NYAP2: variants seen among roughly 807,000 people sequenced by gnomAD.
NYAP2 encodes neuronal tyrosine-phosphorylated phosphoinositide-3-kinase adapter 2.
A neutral mutation model predicts 50.4 loss-of-function variants in NYAP2; 23 were observed. That is an observed-to-expected ratio of 0.46 (90% confidence interval 0.33 to 0.65). NYAP2 has a LOEUF of 0.65. Ranked by LOEUF, NYAP2 falls within the 30% of genes least tolerant of loss-of-function variation. NYAP2 has a pLI of 0.02. For missense variants in NYAP2, 885 were observed against 861.0 expected, an observed-to-expected ratio of 1.03 and a Z score of -0.35; for synonymous variants, 394 against 365.2, an observed-to-expected ratio of 1.08 and a Z score of -0.90.
chr2:225,419,117 A>G (rs939883097), intron 3 of NYAP2, among the ~76,000 whole-genome samples: 2 of 152,176 alleles, frequency 1.3e-5, no homozygotes, highest in Non-Finnish European at 2.9e-5. Flanking sequence ...GCAGTCGGCG[A>G]TACTGATTCT....
At chr2:225,581,880 A>T in intron 4 of NYAP2, 61 bp from the exon 5 acceptor site, 1 of 1,490,064 alleles carries the variant, frequency 6.7e-7, no homozygotes, top group Non-Finnish European at 9.1e-7. Flanking sequence ...CCACATGCAA[A>T]TCATTTTTGA....
At chr2:225,643,433 A>T (rs2106267361) in intron 6 of NYAP2, among the ~76,000 whole-genome samples, 5 of 151,900 alleles carry the variant, frequency 3.3e-5, no homozygotes, top group African/African-American at 1.2e-4. Flanking sequence ...CTCCCTTATA[A>T]TCTTTTTTTT....
chr2:225,554,142 AGT>A (rs1691730762), intron 4 of NYAP2, among the ~76,000 whole-genome samples: 1 of 151,994 alleles, frequency 6.6e-6, no homozygotes, highest in Non-Finnish European at 1.5e-5. Flanking sequence ...TTCATTTTTC[AGT>A]GGCAATAACA....
chr2:225,564,917 G>A (rs895106598), intron 4 of NYAP2, among the ~76,000 whole-genome samples: 9 of 152,016 alleles, frequency 5.9e-5, no homozygotes, highest in Admixed American at 4.6e-4. Flanking sequence ...ATCACTTGAG[G>A]TCAGGAGTTC....
At chr2:225,635,485 A>G (rs1693397823) in intron 6 of NYAP2, among the ~76,000 whole-genome samples, 1 of 152,212 alleles carries the variant, frequency 6.6e-6, no homozygotes, top group Non-Finnish European at 1.5e-5. Flanking sequence ...GCTAGTAGAC[A>G]AACGTTTATT....
intron 4 of NYAP2, among the ~76,000 whole-genome samples, chr2:225,522,259 G>A (rs113207361): frequency 1.3e-5 from 2 of 151,952 alleles, no homozygotes; most frequent in South Asian, 4.2e-4. Flanking sequence ...CCTTCCATTT[G>A]TTATGAACTC....
intron 3 of NYAP2, among the ~76,000 whole-genome samples, chr2:225,493,579 T>C (rs2106172612): frequency 6.6e-6 from 1 of 152,354 alleles, no homozygotes; most frequent in South Asian, 2.1e-4. Flanking sequence ...CTACTACTAC[T>C]GCCTTGGTTT....
intron 5 of NYAP2, among the ~76,000 whole-genome samples, chr2:225,597,137 G>A (rs1283177687): frequency 5.3e-5 from 8 of 152,030 alleles, no homozygotes; most frequent in African/African-American, 1.7e-4. Context: ...TCTAACAGCT[G>A]TTCTTTGTAA....
At chr2:225,621,315 T>A (rs1366405303) in intron 5 of NYAP2, among the ~76,000 whole-genome samples, 1 of 152,240 alleles carries the variant, frequency 6.6e-6, no homozygotes, top group Non-Finnish European at 1.5e-5. Flanking sequence ...AAGTGTTGGT[T>A]AAATTATCTT....
intron 3 of NYAP2, among the ~76,000 whole-genome samples, chr2:225,476,770 C>G (rs1052747813): frequency 1.3e-5 from 2 of 151,948 alleles, no homozygotes; most frequent in African/African-American, 4.8e-5. Context: ...TAGCAATATG[C>G]CATACAGATA....
chr2:225,605,562 C>T (rs1692770987), intron 5 of NYAP2, among the ~76,000 whole-genome samples: 1 of 152,052 alleles, frequency 6.6e-6, no homozygotes, highest in South Asian at 2.1e-4. Context: ...ATAACAAAGT[C>T]TCATCCACCT....
intron 3 of NYAP2, among the ~76,000 whole-genome samples, chr2:225,465,813 C>A (rs978464300): frequency 1.3e-5 from 2 of 152,186 alleles, no homozygotes; most frequent in Admixed American, 1.3e-4. Context: ...GTGGACAGAA[C>A]TCTGAACTCT....
chr2:225,528,544 C>T (rs918257142), intron 4 of NYAP2, among the ~76,000 whole-genome samples: 1 of 152,184 alleles, frequency 6.6e-6, no homozygotes, highest in Non-Finnish European at 1.5e-5. Flanking sequence ...AAGTAAAATA[C>T]TGACACTAAA....
At chr2:225,702,432 A>T in the NYAP2 span, 7 of 151,756 alleles carry the variant, frequency 4.6e-5, no homozygotes, top group African/African-American at 1.7e-4. Flanking sequence ...TAATTATGCA[A>T]TCATCAATAT....
intron 4 of NYAP2, among the ~76,000 whole-genome samples, chr2:225,523,567 T>A (rs1239412694): frequency 6.6e-6 from 1 of 152,050 alleles, no homozygotes; most frequent in Non-Finnish European, 1.5e-5. Flanking sequence ...AAATCATAGA[T>A]GACACAAATG....
intron 3 of NYAP2, among the ~76,000 whole-genome samples, chr2:225,450,668 A>T (rs770305348): frequency 7.9e-5 from 12 of 152,220 alleles, no homozygotes; most frequent in Non-Finnish European, 1.3e-4. Context: ...GTGCATTTAC[A>T]TATTTATAGT....
At chr2:225,593,594 C>G (rs1318425284) in intron 5 of NYAP2, among the ~76,000 whole-genome samples, 2 of 152,124 alleles carry the variant, frequency 1.3e-5, no homozygotes, top group Non-Finnish European at 2.9e-5. Flanking sequence ...TGATGTAAGA[C>G]TTATTCCAAT....
intron 5 of NYAP2, among the ~76,000 whole-genome samples, chr2:225,624,806 G>A (rs1189870203): frequency 6.6e-6 from 1 of 151,950 alleles, no homozygotes; most frequent in Middle Eastern, 3.2e-3. Flanking sequence ...AATCAAGGAA[G>A]TTAGGTAGGG....
At chr2:225,547,233 C>T (rs1377693255) in intron 4 of NYAP2, among the ~76,000 whole-genome samples, 1 of 152,202 alleles carries the variant, frequency 6.6e-6, no homozygotes, top group African/African-American at 2.4e-5. Flanking sequence ...GGGTAGCCCA[C>T]TGCCCTGAAG....
Sources: gnomAD v4.1 joint callset for allele counts (sites outside exome capture counted in the v4.1 genomes callset) on GRCh38, gnomAD v4.1.1 for gene constraint, MANE v1.5 for transcripts, NCBI Gene and HGNC (gene_info 2026-07-23, HGNC 2026-07-21) for gene names.